The following DEK variants were observed in gnomAD, a reference collection of about 807,000 sequenced individuals.
The protein encoded by DEK is DEK proto-oncogene, also known as protein DEK.
In DEK, 28 loss-of-function variants were observed where a neutral mutation model predicts 46.8. The observed-to-expected ratio is 0.60, with a 90% CI of 0.44 to 0.82. DEK has a LOEUF of 0.82. Among genes scored for constraint, DEK ranks in the 40% least tolerant of loss-of-function variants. The probability of loss-of-function intolerance (pLI) is 0.00; values close to 1 mark genes in which losing one functional copy is unlikely to be tolerated. For synonymous variants in DEK, 160 were observed against 144.5 expected, an observed-to-expected ratio of 1.11 and a Z score of -0.77; for missense variants, 416 against 430.6, an observed-to-expected ratio of 0.97 and a Z score of 0.30.
In DEK at chr6:18,250,568, C is replaced by CT. The variant is rs70974716; in HGVS notation, c.574-730dup. On this transcript the variant is annotated intron_variant, in intron 6 of 10. Transcript: ENST00000652689. ...CCAATCGAAGGAATGGGAGAAAAAC[C>CT]TTTTTTTTTTTTTTTTTTTTTTTTT... 8.5e-3 allele frequency among the ~76,000 whole-genome samples: 532 copies of CT among 62,876 alleles called. 26 individuals are homozygous for CT. The highest frequency in any genetic ancestry group is 0.038 in the East Asian group (70 of 1,858). The allele number at this position is 62,876 out of a possible 152,430, so 41.2% of individuals were successfully genotyped here.
rs187868964 is a variant in DEK, at chr6:18,255,317, C to A, written c.573+414G>T. The stretch of plus-strand genomic sequence containing the variant: ...AAATGTCACTTTTTAATACTTTATT[C>A]CAGGATCTAGGAAAACATCCAGTTC... On this transcript the variant is annotated intron_variant, in intron 6 of 10. Transcript: ENST00000652689. Among the ~76,000 whole-genome samples the A allele has an allele frequency of 4.1e-3, 620 of 152,248 alleles. 9 individuals carry two copies. Among genetic ancestry groups the A allele is most frequent in the African/African-American group, 0.014 (568 of 41,524 alleles).
Position 18,249,644 on chromosome 6 carries a change from A to G in DEK, c.762+7T>C, listed in dbSNP as rs1791275619. On this transcript the variant is annotated splice_region_variant and intron_variant, in intron 7 of 10. Transcript: ENST00000652689. ...AAATGATTTAAAAATATAGTAAAATATTTTACCTCCTCTTCACTTTCTTTA... is the reference window on the plus strand; with the variant it reads ...AAATGATTTAAAAATATAGTAAAATGTTTTACCTCCTCTTCACTTTCTTTA... 1 of 1,565,238 alleles carries G rather than the reference A, an allele frequency of 6.4e-7. No homozygotes were observed. Among genetic ancestry groups the G allele is most frequent in the African/African-American group, 1.4e-5 (1 of 72,046 alleles).
intron 2 of DEK, among the ~76,000 whole-genome samples, chr6:18,262,423 C>A (rs1172014747): frequency 6.6e-6 from 1 of 152,002 alleles, no homozygotes; most frequent in Non-Finnish European, 1.5e-5. Context: ...CCCACAAACA[C>A]CTCAAATTAG....
chr6:18,240,160 GAC>G (rs1436580594), intron 7 of DEK, among the ~76,000 whole-genome samples: 4 of 152,180 alleles, frequency 2.6e-5, no homozygotes, highest in African/African-American at 7.2e-5. Context: ...TGTGAGTAGT[GAC>G]AGTTTGTCAA....
At chr6:18,226,777 G>T (rs1200765862) in intron 9 of DEK, among the ~76,000 whole-genome samples, 1 of 152,180 alleles carries the variant, frequency 6.6e-6, no homozygotes, top group Non-Finnish European at 1.5e-5. Flanking sequence ...GTGGGGAAAA[G>T]AAAGAGAGAT....
At chr6:18,231,334 C>G (rs1170641576) in intron 9 of DEK, among the ~76,000 whole-genome samples, 1 of 152,014 alleles carries the variant, frequency 6.6e-6, no homozygotes, top group Non-Finnish European at 1.5e-5. Flanking sequence ...CAAACACATT[C>G]AAAAGCTAGC....
At chr6:18,232,358 G>A (rs1000496853) in intron 9 of DEK, among the ~76,000 whole-genome samples, 1 of 152,168 alleles carries the variant, frequency 6.6e-6, no homozygotes, top group African/African-American at 2.4e-5. Flanking sequence ...GGAAGTTCTG[G>A]CCAGGGCAAT....
At chr6:18,244,575 A>T in intron 7 of DEK, 3 of 1,289,170 alleles carry the variant, frequency 2.3e-6, no homozygotes, top group Non-Finnish European at 3.0e-6. Context: ...ACAGAGCCAG[A>T]ATTCTGTCCT....
chr6:18,249,048 T>C (rs1791247000), intron 7 of DEK, among the ~76,000 whole-genome samples: 1 of 152,172 alleles, frequency 6.6e-6, no homozygotes, highest in Non-Finnish European at 1.5e-5. Context: ...AGGTTAACCC[T>C]CTTATTTAAC....
At chr6:18,245,224 A>C (rs1317502804) in intron 7 of DEK, among the ~76,000 whole-genome samples, 5 of 152,208 alleles carry the variant, frequency 3.3e-5, no homozygotes, top group African/African-American at 7.2e-5. Context: ...ACATGAATAC[A>C]ATGTCTAAAG....
intron 7 of DEK, among the ~76,000 whole-genome samples, chr6:18,247,704 G>A (rs1044760939): frequency 6.6e-6 from 1 of 151,040 alleles, no homozygotes; most frequent in African/African-American, 2.4e-5. Context: ...ACGGAGTTTC[G>A]CTCGTTGCTC....
chr6:18,227,149 C>G (rs954335242), intron 9 of DEK, among the ~76,000 whole-genome samples: 1 of 152,002 alleles, frequency 6.6e-6, no homozygotes, highest in African/African-American at 2.4e-5. Context: ...TCCCCCAGCC[C>G]GACACCCTTA....
rs1319983876 is a variant in DEK at position 18,224,893 on chromosome 6, CA to C, written c.*825del. 18 of 212,750 alleles carry C rather than the reference CA, an allele frequency of 8.5e-5. No individual in the cohort carries two copies. Among genetic ancestry groups the C allele is most frequent in the African/African-American group, 4.1e-4 (18 of 44,186 alleles). The allele number at this position is 212,750 out of a possible 1,614,324, so 13.2% of individuals were successfully genotyped here. A position where few individuals can be genotyped will look rare whatever the true frequency, so the allele number is the denominator to read the frequency against. On this transcript the variant is annotated 3_prime_UTR_variant, in exon 11 of 11. Coordinates refer to ENST00000652689, the MANE Select transcript of DEK (RefSeq NM_003472.4). ...CCTTATATAATATAAAACGTACCTA[CA>C]GACACTTTTACAGAGTTAATACTAA...
chr6:18,244,400 G>T, intron 7 of DEK: 1 of 480,010 alleles, frequency 2.1e-6, no homozygotes, highest in South Asian at 2.1e-5. Flanking sequence ...TCAAAAACGT[G>T]AAGGGGATTC....
intron 4 of DEK, 105 bp from the exon 5 acceptor site, chr6:18,256,560 G>T: frequency 1.1e-6 from 1 of 876,942 alleles, no homozygotes; most frequent in Non-Finnish European, 1.7e-6. Flanking sequence ...ATACCTGTCT[G>T]TAAGTTACAA....
intron 7 of DEK, among the ~76,000 whole-genome samples, chr6:18,248,988 A>G (rs888273112): frequency 2.1e-5 from 3 of 146,022 alleles, no homozygotes; most frequent in Non-Finnish European, 4.5e-5. Context: ...CATTAACAAT[A>G]ATAGAAACCC....
intron 7 of DEK, among the ~76,000 whole-genome samples, chr6:18,242,024 C>G (rs561601526): frequency 6.6e-5 from 10 of 152,330 alleles, no homozygotes; most frequent in African/African-American, 2.2e-4. Context: ...AAAGCTATTG[C>G]TTAAAATCAA....
intron 9 of DEK, among the ~76,000 whole-genome samples, chr6:18,228,741 CG>C (rs1377812533): frequency 2.0e-5 from 3 of 152,244 alleles, no homozygotes; most frequent in African/African-American, 7.2e-5. Flanking sequence ...GCGCCTGGCT[CG>C]GAGAGTCCCA....
chr6:18,259,711 G>A (rs1791770786), intron 2 of DEK, among the ~76,000 whole-genome samples: 1 of 152,076 alleles, frequency 6.6e-6, no homozygotes, highest in Non-Finnish European at 1.5e-5. Flanking sequence ...TCTTAAGAAA[G>A]ATACACAAAT....
Sources: gnomAD v4.1 joint callset for allele counts (sites outside exome capture counted in the v4.1 genomes callset) on GRCh38, gnomAD v4.1.1 for gene constraint, MANE v1.5 for transcripts, NCBI Gene and HGNC (gene_info 2026-07-23, HGNC 2026-07-21) for gene names.